The following PIAS2 variants were observed in gnomAD, a reference collection of about 807,000 sequenced individuals.
PIAS2 encodes the protein protein inhibitor of activated STAT 2.
PIAS2 carries 19 observed loss-of-function variants against 69.7 expected under a neutral mutation model. The observed-to-expected ratio is 0.27, with a 90% CI of 0.19 to 0.40. PIAS2 has a LOEUF of 0.40. Ranked by LOEUF, PIAS2 falls within the 10% of genes least tolerant of loss-of-function variation. The probability of loss-of-function intolerance (pLI) is 1.00; values close to 1 mark genes in which losing one functional copy is unlikely to be tolerated. For missense variants in PIAS2, 624 were observed against 757.0 expected (o/e 0.82, Z 2.06); for synonymous variants, 261 against 263.2 (o/e 0.99, Z 0.08).
chr18:46,816,888 T>C (rs2041612944), intron 12 of PIAS2: 1 of 947,058 alleles, frequency 1.1e-6, no homozygotes, highest in Non-Finnish European at 1.3e-6. Context: ...AAAATGATAA[T>C]AGGTGAGATA....
chr18:46,818,082 C>T, intron 12 of PIAS2: 1 of 1,004,630 alleles, frequency 1.0e-6, no homozygotes, highest in Middle Eastern at 4.9e-4. Context: ...TTTATTAACA[C>T]TGATAAAATT....
upstream of PIAS2, among the ~76,000 whole-genome samples, chr18:46,919,474 G>A (rs1306721027): frequency 4.1e-5 from 6 of 146,182 alleles, no homozygotes; most frequent in East Asian, 1.0e-3. Flanking sequence ...CAACAAAAGC[G>A]AAACTCCATC....
At chr18:46,864,399 A>G (rs542413847) in intron 2 of PIAS2, 151 bp from the exon 3 acceptor site, 10 of 590,522 alleles carry the variant, frequency 1.7e-5, no homozygotes, top group African/African-American at 1.5e-4. Context: ...ACTAAACTGC[A>G]TTCATCTTGG....
chr18:46,889,014 G>A (rs1204623776), intron 2 of PIAS2, among the ~76,000 whole-genome samples: 1 of 152,080 alleles, frequency 6.6e-6, no homozygotes, highest in African/African-American at 2.4e-5. Flanking sequence ...CAAATGGTGG[G>A]GAAAAACTGG....
chr18:46,875,911 A>G (rs2051107786), intron 2 of PIAS2, among the ~76,000 whole-genome samples: 1 of 152,196 alleles, frequency 6.6e-6, no homozygotes, highest in South Asian at 2.1e-4. Flanking sequence ...AATTATGCCA[A>G]GCTCTCTCTT....
chr18:46,916,183 C>CA (rs1329302627), intron 1 of PIAS2, among the ~76,000 whole-genome samples: 1 of 152,146 alleles, frequency 6.6e-6, no homozygotes, highest in African/African-American at 2.4e-5. Context: ...CCGTTTAGAG[C>CA]AGAGGATACG....
intron 2 of PIAS2, among the ~76,000 whole-genome samples, chr18:46,884,231 T>C (rs72913052): frequency 0.011 from 1,691 of 152,316 alleles, 17 homozygotes; most frequent in Non-Finnish European, 0.017. Context: ...ACATGTTTTA[T>C]ATACATATTC....
chr18:46,860,824 A>T (rs1464204590), intron 3 of PIAS2, among the ~76,000 whole-genome samples: 1 of 152,102 alleles, frequency 6.6e-6, no homozygotes, highest in Non-Finnish European at 1.5e-5. Flanking sequence ...AAAAAACATA[A>T]AAATTAGCCA....
chr18:46,912,493 A>G (rs1203426172), intron 1 of PIAS2, among the ~76,000 whole-genome samples: 2 of 152,210 alleles, frequency 1.3e-5, no homozygotes, highest in Non-Finnish European at 2.9e-5. Flanking sequence ...GAAACCAAAG[A>G]TAAGTCATTC....
chr18:46,818,531 G>C, intron 12 of PIAS2: 14 of 1,185,838 alleles, frequency 1.2e-5, no homozygotes, highest in Non-Finnish European at 1.5e-5. Flanking sequence ...CTCCATTCTT[G>C]GTGTTCTATT....
In PIAS2 at chr18:46,890,847, T is replaced by C. The variant is rs759788975; in HGVS notation, c.232A>G (p.Ile78Val). Residue 78 changes from isoleucine to valine, a missense_variant, in exon 2 of 14, where the codon ATC becomes GTC. This residue lies in a region of PIAS2 where 339 missense variants were observed against 408.8 expected (regional missense o/e 0.83). Transcript: ENST00000585916. Reference sequence around the variant, plus strand: ...TCCAAACTGAAAACCGATGATTTGATTGTGGATAAATCAGAAAGTCCTTCA... The same window carrying C: ...TCCAAACTGAAAACCGATGATTTGACTGTGGATAAATCAGAAAGTCCTTCA... ...TLEGLSDLST[I>V]KSSVFSLDGG... 6.2e-7 allele frequency: 1 copy of C among 1,614,170 alleles called. No individual in the cohort carries two copies. Among genetic ancestry groups the C allele is most frequent in the Non-Finnish European group, 8.5e-7 (1 of 1,180,026 alleles).
intron 1 of PIAS2, among the ~76,000 whole-genome samples, chr18:46,906,474 G>A (rs115015056): frequency 0.011 from 1,626 of 152,096 alleles, 32 homozygotes; most frequent in African/African-American, 0.038. Context: ...AGTATAGCAA[G>A]GTTATTATAC....
At chr18:46,846,615 G>C in intron 6 of PIAS2, 92 bp downstream of exon 6, 1 of 1,245,778 alleles carries the variant, frequency 8.0e-7, no homozygotes, top group Non-Finnish European at 1.1e-6. Context: ...TCCAAAAACA[G>C]AAAGAGCTGA....
At chr18:46,892,582 G>A (rs2054227878) in intron 1 of PIAS2, among the ~76,000 whole-genome samples, 2 of 151,912 alleles carry the variant, frequency 1.3e-5, no homozygotes, top group African/African-American at 4.8e-5. Context: ...AGACCACACT[G>A]GACAACATAC....
At chr18:46,867,943 A>G (rs1000056184) in intron 2 of PIAS2, among the ~76,000 whole-genome samples, 4 of 152,222 alleles carry the variant, frequency 2.6e-5, no homozygotes, top group Non-Finnish European at 5.9e-5. Context: ...CATGCTATAA[A>G]GAAGCCCAAA....
upstream of PIAS2, chr18:46,917,905 A>C (rs2058174477): frequency 6.6e-6 from 1 of 152,314 alleles, no homozygotes; most frequent in African/African-American, 2.4e-5. Context: ...TTGTGGCGGA[A>C]TAATCTAAAT....
At chr18:46,889,277 C>T (rs1323045211) in intron 2 of PIAS2, among the ~76,000 whole-genome samples, 1 of 152,128 alleles carries the variant, frequency 6.6e-6, no homozygotes. Context: ...TCAAAAGACA[C>T]TATCAACAGA....
chr18:46,915,699 C>G (rs373662238), intron 1 of PIAS2: 2 of 151,762 alleles, frequency 1.3e-5, no homozygotes, highest in South Asian at 2.1e-4. Flanking sequence ...TTACTCTGCT[C>G]TATAAGAGCG....
At chr18:46,842,790 A>G (rs762347944) in intron 8 of PIAS2, among the ~76,000 whole-genome samples, 3 of 152,140 alleles carry the variant, frequency 2.0e-5, no homozygotes, top group Non-Finnish European at 4.4e-5. Flanking sequence ...ACCTCTGCCA[A>G]CACCCTCAGG....
Sources: gnomAD v4.1 joint callset for allele counts (sites outside exome capture counted in the v4.1 genomes callset) on GRCh38, gnomAD v4.1.1 for gene constraint, gnomAD v4.1.1 regional missense constraint, MANE v1.5 for transcripts, NCBI Gene and HGNC (gene_info 2026-07-23, HGNC 2026-07-21) for gene names.